The following MTHFD2L variants were observed in gnomAD, a reference collection of about 807,000 sequenced individuals.
The protein encoded by MTHFD2L is bifunctional methylenetetrahydrofolate dehydrogenase/cyclohydrolase 2, mitochondrial.
A neutral mutation model predicts 34.9 loss-of-function variants in MTHFD2L; 29 were observed. The observed-to-expected ratio is 0.83, with a 90% CI of 0.62 to 1.13. The LOEUF (loss-of-function observed/expected upper bound fraction) is 1.13. Among genes scored for constraint, MTHFD2L ranks in the 50% most tolerant of loss-of-function variants. MTHFD2L has a pLI of 0.00. For missense variants in MTHFD2L, 481 were observed against 446.5 expected, an observed-to-expected ratio of 1.08 and a Z score of -0.70; for synonymous variants, 167 against 155.7, an observed-to-expected ratio of 1.07 and a Z score of -0.54.
intron 3 of MTHFD2L, among the ~76,000 whole-genome samples, chr4:74,197,363 T>C (rs1733665428): frequency 6.6e-6 from 1 of 152,200 alleles, no homozygotes; most frequent in Non-Finnish European, 1.5e-5. Context: ...CTTACTCATA[T>C]AACAAAAGGA....
intron 5 of MTHFD2L, among the ~76,000 whole-genome samples, chr4:74,210,917 T>C (rs964573310): frequency 1.3e-5 from 2 of 152,168 alleles, no homozygotes; most frequent in African/African-American, 4.8e-5. Context: ...CTTTAAGTTG[T>C]ATTCCTAGGT....
At chr4:74,257,560 G>A (rs2110213851) in intron 6 of MTHFD2L, among the ~76,000 whole-genome samples, 1 of 152,168 alleles carries the variant, frequency 6.6e-6, no homozygotes, top group African/African-American at 2.4e-5. Context: ...TTAATTAGAG[G>A]ATATAACAGT....
upstream of MTHFD2L, among the ~76,000 whole-genome samples, chr4:74,154,878 T>C (rs1724148737): frequency 6.6e-6 from 1 of 152,184 alleles, no homozygotes; most frequent in Non-Finnish European, 1.5e-5. Flanking sequence ...CATACATCTA[T>C]AAATATTTGT....
At chr4:74,269,892 T>C (rs1745740999) in intron 6 of MTHFD2L, among the ~76,000 whole-genome samples, 1 of 152,262 alleles carries the variant, frequency 6.6e-6, no homozygotes, top group East Asian at 1.9e-4. Flanking sequence ...CAGATAAGTA[T>C]AGATTATTTT....
At chr4:74,117,958 C>A (rs1257106719) in intron 2 of MTHFD2L, among the ~76,000 whole-genome samples, 3 of 152,176 alleles carry the variant, frequency 2.0e-5, no homozygotes, top group Non-Finnish European at 4.4e-5. Context: ...CACTTCATAT[C>A]CTCACTAGAC....
intron 3 of MTHFD2L, among the ~76,000 whole-genome samples, chr4:74,189,108 T>A (rs1731970542): frequency 6.6e-6 from 1 of 152,086 alleles, no homozygotes; most frequent in Admixed American, 6.6e-5. Flanking sequence ...ATAACTTTTG[T>A]TTGGGGTAGT....
chr4:74,143,195 G>A (rs1723382794), intron 1 of MTHFD2L, among the ~76,000 whole-genome samples: 2 of 151,320 alleles, frequency 1.3e-5, no homozygotes, highest in African/African-American at 4.9e-5. Flanking sequence ...AGTTGGGAAA[G>A]AATGTAGGAA....
chr4:74,249,751 A>G (rs954268433), intron 6 of MTHFD2L, among the ~76,000 whole-genome samples: 6 of 151,770 alleles, frequency 4.0e-5, no homozygotes, highest in South Asian at 2.1e-4. Context: ...GCTTAGTTTG[A>G]CTGGATATGA....
Position 74,201,296 on chromosome 4 carries a change from C to T in MTHFD2L, c.638C>T (p.Ala213Val), listed in dbSNP as rs1734377496. ...ACATTTGGAAAAAATGTGGTTGTGG[C>T]TGGAAGATCCAAGAACGTAGGGATG... Reference protein sequence around the residue: ...IQTFGKNVVVAGRSKNVGMPI... With the variant: ...IQTFGKNVVVVGRSKNVGMPI... Residue 213 changes from alanine to valine, a missense_variant, in exon 5 of 8, where the codon GCT (alanine) becomes GTT (valine). By Grantham distance (64) the Ala-to-Val change is moderately conservative. Transcript: ENST00000325278. The T allele has an allele frequency of 1.2e-6, 2 of 1,613,496 alleles. No homozygotes were observed. Among genetic ancestry groups the T allele is most frequent in the African/African-American group, 2.7e-5 (2 of 74,894 alleles).
intron 5 of MTHFD2L, among the ~76,000 whole-genome samples, chr4:74,206,027 A>ATC (rs1054435001): frequency 6.6e-6 from 1 of 152,004 alleles, no homozygotes; most frequent in Non-Finnish European, 1.5e-5. Context: ...CCACCTGTAG[A>ATC]TCATTGTATA....
chr4:74,281,264 A>C (rs1463079406), intron 6 of MTHFD2L, among the ~76,000 whole-genome samples, 161 bp from the exon 7 acceptor site: 1 of 151,690 alleles, frequency 6.6e-6, no homozygotes, highest in Non-Finnish European at 1.5e-5. Context: ...CATCTTTGTT[A>C]TTCTCTCGGA....
At chr4:74,289,300 C>T (rs573846122) in intron 7 of MTHFD2L, among the ~76,000 whole-genome samples, 2 of 152,176 alleles carry the variant, frequency 1.3e-5, no homozygotes, top group East Asian at 3.9e-4. Flanking sequence ...AGAAGGGAGT[C>T]GTGGACAGAT....
intron 6 of MTHFD2L, among the ~76,000 whole-genome samples, chr4:74,227,923 A>T (rs7676269): frequency 0.12 from 18,509 of 152,112 alleles, 1,392 homozygotes; most frequent in Non-Finnish European, 0.17. Context: ...TTGTATTTGA[A>T]CACATAGTTT....
chr4:74,230,898 T>A (rs1300071347), intron 6 of MTHFD2L, among the ~76,000 whole-genome samples: 1 of 152,180 alleles, frequency 6.6e-6, no homozygotes, highest in African/African-American at 2.4e-5. Flanking sequence ...CAAGTTTTTT[T>A]AGACATTGTC....
At chr4:74,123,740 G>A (rs1254832527), upstream of MTHFD2L, among the ~76,000 whole-genome samples, 2 of 151,794 alleles carry the variant, frequency 1.3e-5, no homozygotes, top group African/African-American at 4.8e-5. Context: ...TTTCTGTTGT[G>A]AGAAAAAAAT....
upstream of MTHFD2L, chr4:74,157,531 A>G: frequency 5.1e-6 from 2 of 395,062 alleles, no homozygotes; most frequent in South Asian, 1.9e-5. Context: ...GAAAAGACAG[A>G]TATTGGTCAA....
intron 6 of MTHFD2L, among the ~76,000 whole-genome samples, chr4:74,236,305 C>A (rs144899878): frequency 1.3e-5 from 2 of 152,270 alleles, no homozygotes; most frequent in East Asian, 3.9e-4. Context: ...TTCTAAAACA[C>A]AAATAAATTG....
At chr4:74,209,546 A>G (rs780770188) in intron 5 of MTHFD2L, among the ~76,000 whole-genome samples, 7 of 152,224 alleles carry the variant, frequency 4.6e-5, no homozygotes, top group Non-Finnish European at 1.0e-4. Context: ...ATGGGGGCAT[A>G]GTATTCCATG....
At chr4:74,131,139 T>C (rs749084853) in intron 1 of MTHFD2L, among the ~76,000 whole-genome samples, 1 of 152,218 alleles carries the variant, frequency 6.6e-6, no homozygotes, top group African/African-American at 2.4e-5. Context: ...AGAATCAATA[T>C]TGTGAAAAAG....
Sources: gnomAD v4.1 joint callset for allele counts (sites outside exome capture counted in the v4.1 genomes callset) on GRCh38, gnomAD v4.1.1 for gene constraint, MANE v1.5 for transcripts, NCBI Gene and HGNC (gene_info 2026-07-23, HGNC 2026-07-21) for gene names.